Variants in HLTF observed in about 807,000 individuals in gnomAD.
HLTF encodes the protein DNA-dependent ATPase/E3 ubiquitin-protein ligase HLTF.
A neutral mutation model predicts 129.4 loss-of-function variants in HLTF; 127 were observed. The observed-to-expected ratio is 0.98, with a 90% CI of 0.85 to 1.14. The LOEUF (loss-of-function observed/expected upper bound fraction) is 1.14. Ranked by LOEUF, HLTF falls within the 50% of genes most tolerant of loss-of-function variation. The probability of loss-of-function intolerance (pLI) is 0.00; values close to 1 mark genes in which losing one functional copy is unlikely to be tolerated. For synonymous variants in HLTF, 332 were observed against 388.8 expected, an observed-to-expected ratio of 0.85 and a Z score of 1.72; for missense variants, 1,139 against 1,187.1, an observed-to-expected ratio of 0.96 and a Z score of 0.60.
In HLTF at chr3:149,031,039, CCTTTGAAATAA is replaced by C. The variant is rs933668786; in HGVS notation, c.*1170_*1180del. 4 of 151,988 alleles carry C rather than the reference CCTTTGAAATAA, an allele frequency of 2.6e-5. No individual in the cohort carries two copies. Among genetic ancestry groups the C allele is most frequent in the Admixed American group, 2.6e-4 (4 of 15,254 alleles). The allele number at this position is 151,988 out of a possible 1,614,324, so 9.4% of individuals were successfully genotyped here. ...TAATCTTTCTTTGGATTAAAGTTTC[CCTTTGAAATAA>C]AACCACCTACCTAATCTGACTGCTA... On this transcript the variant is annotated 3_prime_UTR_variant, in exon 25 of 25. Transcript: ENST00000310053.
intron 10 of HLTF, chr3:149,063,136 T>C: frequency 4.3e-6 from 2 of 462,926 alleles, no homozygotes; most frequent in South Asian, 3.1e-5. Flanking sequence ...CTTAACTCAC[T>C]GCAAGCTCTG....
intron 4 of HLTF, 137 bp from the exon 5 acceptor site, chr3:149,073,459 C>T (rs1343339426): frequency 3.3e-6 from 2 of 611,596 alleles, no homozygotes; most frequent in African/African-American, 1.9e-5. Context: ...TTTGGGAGGC[C>T]AAGGCAGGTG....
chr3:149,053,344 G>A (rs1249358056), intron 14 of HLTF, among the ~76,000 whole-genome samples: 1 of 152,150 alleles, frequency 6.6e-6, no homozygotes, highest in Non-Finnish European at 1.5e-5. Flanking sequence ...GGTGATGAGT[G>A]AGTTCTCACT....
intron 20 of HLTF, among the ~76,000 whole-genome samples, chr3:149,040,997 A>G (rs190078323): frequency 3.3e-5 from 5 of 152,300 alleles, no homozygotes; most frequent in Admixed American, 2.6e-4. Flanking sequence ...ACCTTATCCA[A>G]CACAATAGCC....
In HLTF at chr3:149,041,481, AAAAC is replaced by A; in HGVS notation, c.2376+5_2376+8del. 3 of 1,609,068 alleles carry A rather than the reference AAAAC, an allele frequency of 1.9e-6. No individual in the cohort carries two copies. Among genetic ancestry groups the A allele is most frequent in the Non-Finnish European group, 2.5e-6 (3 of 1,176,638 alleles). ...CAAACACTGAACCTGTACTGAGCAA[AAAAC>A]TAACCTGCTCATTCTGAATGACTTG... is the stretch of plus-strand genomic sequence containing the variant. On this transcript the variant is annotated splice_donor_5th_base_variant and intron_variant, in intron 20 of 24. Transcript: ENST00000310053.
At chr3:149,054,832 G>A (rs1052094623) in intron 14 of HLTF, among the ~76,000 whole-genome samples, 1 of 152,178 alleles carries the variant, frequency 6.6e-6, no homozygotes, top group Non-Finnish European at 1.5e-5. Flanking sequence ...TGGGCACCTG[G>A]AAAATCAGGG....
rs373696155 is a variant in HLTF at position 149,071,248 on chromosome 3, T to C, written c.894+4A>G. ...TTTTATTAACTAAAGAAAAAAATAA[T>C]TACCAAACCCATATCATCAGCTAAA... On this transcript the variant is annotated splice_donor_region_variant and intron_variant, in intron 7 of 24. Transcript: ENST00000310053. 15 of 1,517,122 alleles carry C rather than the reference T, an allele frequency of 9.9e-6. No homozygotes were observed. Among genetic ancestry groups the C allele is most frequent in the Middle Eastern group, 1.8e-4 (1 of 5,638 alleles). 94.0% of individuals were successfully genotyped at this position (1,517,122 alleles called of 1,614,324 possible). A position where few individuals can be genotyped will look rare whatever the true frequency, so the allele number is the denominator to read the frequency against.
Position 149,063,472 on chromosome 3 carries a change from A to T in HLTF, c.1119T>A (p.Ser373Arg). 1 of 1,610,972 alleles carries T rather than the reference A, an allele frequency of 6.2e-7. No homozygotes were observed. Among genetic ancestry groups the T allele is most frequent in the South Asian group, 1.1e-5 (1 of 90,974 alleles). ...QPSISDIKEK[S>R]KFRMSELSSS... ...TAGACAATTCTGACATGCGAAACTT[A>T]CTCTTCTCCTTGATATCTGAAATAC... Residue 373 changes from serine to arginine, a missense_variant, in exon 10 of 25, where the codon AGT becomes AGA. Transcript: ENST00000310053.
chr3:149,050,245 G>T lies in HLTF; in HGVS notation c.1604C>A (p.Thr535Asn). Reference protein sequence around the residue: ...DIVLTTYNILTHDYGTKGDSP... With the variant: ...DIVLTTYNILNHDYGTKGDSP... Reference sequence around the variant, plus strand: ...AACAATACTTACTCCATAGTCATGAGTTAAAATATTATACGTAGTCAAAAC... The same window carrying T: ...AACAATACTTACTCCATAGTCATGATTTAAAATATTATACGTAGTCAAAAC... Residue 535 changes from threonine (T) to asparagine (N), a missense_variant, in exon 15 of 25, where the codon ACT becomes AAT. By Grantham distance (65) the Thr-to-Asn change is moderately conservative. Coordinates refer to ENST00000310053, the MANE Select transcript of HLTF (RefSeq NM_003071.4). The T allele has an allele frequency of 6.3e-7, 1 of 1,584,046 alleles. No individual in the cohort carries two copies.
Position 149,030,759 on chromosome 3 carries a change from C to T in HLTF, c.*1461G>A, listed in dbSNP as rs1018508089. The T allele has an allele frequency of 6.6e-6, 1 of 152,202 alleles. No individual in the cohort carries two copies. The highest frequency in any genetic ancestry group is 6.5e-5 in the Admixed American group (1 of 15,284). 9.4% of individuals were successfully genotyped at this position (152,202 alleles called of 1,614,324 possible). A position where few individuals can be genotyped will look rare whatever the true frequency, so the allele number is the denominator to read the frequency against. Reference sequence around the variant, plus strand: ...TTGATGAAAATCAGCCCTTTCCTTACCTGCTACTGCCTCAAAAAGGGACCA... The same window carrying T: ...TTGATGAAAATCAGCCCTTTCCTTATCTGCTACTGCCTCAAAAAGGGACCA... On this transcript the variant is annotated 3_prime_UTR_variant, in exon 25 of 25. Coordinates refer to ENST00000310053, the MANE Select transcript of HLTF (RefSeq NM_003071.4).
At position 149,032,293 on chromosome 3, in the gene HLTF, C is replaced by G. The variant is rs1313062957; in HGVS notation, c.2957G>C (p.Gly986Ala). 4.4e-6 allele frequency: 7 copies of G among 1,601,642 alleles called. No homozygotes were observed. Among genetic ancestry groups the G allele is most frequent in the Non-Finnish European group, 6.0e-6 (7 of 1,173,992 alleles). Residue 986 changes from glycine (G) to alanine (A), a missense_variant, in exon 25 of 25, where the codon GGA becomes GCA. Physicochemically the swap from Gly to Ala is moderately conservative, Grantham distance 60. Transcript: ENST00000310053. ...TTCGTCAGCATTTGGTTTTTTAGTT[C>G]CAAAGGCTCCTGCTGCAAGTTCTCT... is the stretch of plus-strand genomic sequence containing the variant. Reference protein sequence around the residue: ...KKRELAAGAFGTKKPNADEMK... With the variant: ...KKRELAAGAFATKKPNADEMK...
intron 8 of HLTF, among the ~76,000 whole-genome samples, chr3:149,067,555 T>G (rs1364892681): frequency 2.6e-5 from 4 of 151,966 alleles, no homozygotes; most frequent in Non-Finnish European, 4.4e-5. Flanking sequence ...GAAGGTGGAG[T>G]GCAATAGTGC....
chr3:149,073,438 A>C, intron 4 of HLTF, 116 bp from the exon 5 acceptor site: 3 of 706,600 alleles, frequency 4.2e-6, no homozygotes, highest in South Asian at 4.0e-5. Context: ...TCATGCCTGT[A>C]ACCCAAGCAC....
intron 8 of HLTF, 138 bp downstream of exon 8, chr3:149,068,102 G>A (rs747761775): frequency 1.9e-6 from 1 of 527,210 alleles, no homozygotes; most frequent in Non-Finnish European, 3.4e-6. Context: ...ATTCTTATCA[G>A]CAACACATAA....
chr3:149,038,136 C>T (rs1452904054), intron 23 of HLTF, among the ~76,000 whole-genome samples: 1 of 152,132 alleles, frequency 6.6e-6, no homozygotes, highest in Non-Finnish European at 1.5e-5. Flanking sequence ...CCTAGAACTC[C>T]TAAGTCTCTA....
intron 12 of HLTF, 53 bp from the exon 13 acceptor site, chr3:149,059,860 G>T: frequency 6.7e-6 from 7 of 1,040,406 alleles, no homozygotes; most frequent in Admixed American, 1.9e-5. Context: ...TCCTGTGCTA[G>T]AGTACAGGTA....
intron 8 of HLTF, among the ~76,000 whole-genome samples, chr3:149,067,351 A>C (rs1210798621): frequency 6.6e-6 from 1 of 152,134 alleles, no homozygotes; most frequent in Non-Finnish European, 1.5e-5. Flanking sequence ...CTCCACACAA[A>C]GATTTGTACC....
In HLTF at chr3:149,032,105, A is replaced by C. The variant is rs1011002073; in HGVS notation, c.*115T>G. The C allele has an allele frequency of 1.2e-5, 9 of 722,626 alleles. No homozygotes were observed. The highest frequency in any genetic ancestry group is 1.9e-5 in the Non-Finnish European group (9 of 474,934). The allele number at this position is 722,626 out of a possible 1,614,324, so 44.8% of individuals were successfully genotyped here. A position where few individuals can be genotyped will look rare whatever the true frequency, so the allele number is the denominator to read the frequency against. ...TCAGTAATACCTCTTCACTAATATA[A>C]AATATGCCCCTTTTAGAAGACGTGT... On this transcript the variant is annotated 3_prime_UTR_variant, in exon 25 of 25. Coordinates refer to ENST00000310053, the MANE Select transcript of HLTF (RefSeq NM_003071.4).
chr3:149,040,875 A>C (rs1304403944), intron 20 of HLTF, among the ~76,000 whole-genome samples: 12 of 152,100 alleles, frequency 7.9e-5, no homozygotes, highest in Admixed American at 7.9e-4. Context: ...TTTTTTCTAC[A>C]TATGTTATAT....
Sources: gnomAD v4.1 joint callset for allele counts (sites outside exome capture counted in the v4.1 genomes callset) on GRCh38, gnomAD v4.1.1 for gene constraint, MANE v1.5 for transcripts, NCBI Gene and HGNC (gene_info 2026-07-23, HGNC 2026-07-21) for gene names.